The following CSMD1 variants were observed in gnomAD, a reference collection of about 807,000 sequenced individuals.
The protein encoded by CSMD1 is CUB and sushi domain-containing protein 1.
In CSMD1, 213 loss-of-function variants were observed where a neutral mutation model predicts 417.5. That is an observed-to-expected ratio of 0.51 (90% CI 0.46 to 0.57). The LOEUF (loss-of-function observed/expected upper bound fraction) is 0.57, where lower values mean the gene tolerates loss of function less well. Ranked by LOEUF, CSMD1 falls within the 20% of genes least tolerant of loss-of-function variation. The probability of loss-of-function intolerance (pLI) is 0.00; values close to 1 mark genes in which losing one functional copy is unlikely to be tolerated. For synonymous variants in CSMD1, 2,862 were observed against 1,736.8 expected, an observed-to-expected ratio of 1.65 and a Z score of -16.11; for missense variants, 6,923 against 4,529.7, an observed-to-expected ratio of 1.53 and a Z score of -15.17.
At chr8:4,956,199 G>C (rs547027473) in intron 1 of CSMD1, among the ~76,000 whole-genome samples, 2 of 151,050 alleles carry the variant, frequency 1.3e-5, no homozygotes, top group Non-Finnish European at 3.0e-5. Context: ...CTGGAGATTT[G>C]TTTTCTTTTT....
At chr8:4,317,604 G>GGA (rs760517457) in intron 3 of CSMD1, among the ~76,000 whole-genome samples, 31 of 151,890 alleles carry the variant, frequency 2.0e-4, no homozygotes, top group African/African-American at 7.5e-4. Context: ...AGGAGAGAGG[G>GGA]GAGAGAGAGA....
chr8:2,946,530 C>A (rs1307465592), intron 68 of CSMD1, among the ~76,000 whole-genome samples: 18 of 152,152 alleles, frequency 1.2e-4, no homozygotes, highest in Non-Finnish European at 1.6e-4. Context: ...CTTGGCATGA[C>A]GTTTTCAAGG....
At chr8:4,219,610 A>G (rs937663909) in intron 3 of CSMD1, among the ~76,000 whole-genome samples, 2 of 152,206 alleles carry the variant, frequency 1.3e-5, no homozygotes, top group African/African-American at 2.4e-5. Context: ...CTCCAACCCA[A>G]AAAACACTAT....
chr8:3,786,371 G>A (rs995265078), intron 5 of CSMD1, among the ~76,000 whole-genome samples: 1 of 152,084 alleles, frequency 6.6e-6, no homozygotes, highest in African/African-American at 2.4e-5. Flanking sequence ...CCTCATTTAG[G>A]GAGATACTAG....
rs1006764175 is a variant in CSMD1 at position 4,229,701 on chromosome 8, C to T, written c.415+190252G>A. 3.3e-5 allele frequency among the ~76,000 whole-genome samples: 5 copies of T among 152,254 alleles called. No individual in the cohort carries two copies. In the South Asian group the frequency reaches 8.3e-4, roughly 25 times the overall value. ...CTCACCATCTGATGTACAGCCTCAG[C>T]CCCTTCCTCTTGCTTGACCCACCCC... On this transcript the variant is annotated intron_variant, in intron 3 of 69. Coordinates refer to ENST00000635120, the MANE Select transcript of CSMD1 (RefSeq NM_033225.6).
chr8:3,822,816 A>AT (rs1017716709), intron 5 of CSMD1, among the ~76,000 whole-genome samples: 93 of 148,790 alleles, frequency 6.3e-4, no homozygotes, highest in African/African-American at 1.8e-3. Context: ...CTTTGGGCTT[A>AT]TTTTTTTTTT....
At chr8:4,892,730 GCTTT>G (rs2117007447) in intron 1 of CSMD1, among the ~76,000 whole-genome samples, 1 of 152,008 alleles carries the variant, frequency 6.6e-6, no homozygotes, top group Admixed American at 6.5e-5. Flanking sequence ...TAACACTTTT[GCTTT>G]CTGATTTGCA....
At chr8:4,319,865 C>G (rs369616805) in intron 3 of CSMD1, among the ~76,000 whole-genome samples, 1 of 152,116 alleles carries the variant, frequency 6.6e-6, no homozygotes, top group African/African-American at 2.4e-5. Flanking sequence ...ATGCAGGTAA[C>G]AGAGGTACCC....
chr8:4,139,498 G>C (rs748507995), intron 3 of CSMD1, among the ~76,000 whole-genome samples: 1 of 145,124 alleles, frequency 6.9e-6, no homozygotes, highest in Non-Finnish European at 1.5e-5. Flanking sequence ...TGGATGAATG[G>C]TCTGCATTCA....
At chr8:4,731,310 C>T (rs1371518677) in intron 1 of CSMD1, among the ~76,000 whole-genome samples, 1 of 152,160 alleles carries the variant, frequency 6.6e-6, no homozygotes, top group Admixed American at 6.5e-5. Flanking sequence ...TCTTTGGAAT[C>T]AGCAGTTTTT....
chr8:4,588,561 G>C (rs573056830), intron 2 of CSMD1, among the ~76,000 whole-genome samples: 1 of 151,842 alleles, frequency 6.6e-6, no homozygotes, highest in Admixed American at 6.6e-5. Context: ...TTCGGAGGCC[G>C]AGTCTGGCGG....
intron 1 of CSMD1, among the ~76,000 whole-genome samples, chr8:4,993,288 C>T (rs1811572870): frequency 6.7e-6 from 1 of 149,540 alleles, no homozygotes; most frequent in African/African-American, 2.4e-5. Context: ...CCGGGAACAT[C>T]TATGGAAGTG....
intron 4 of CSMD1, among the ~76,000 whole-genome samples, chr8:4,023,115 CA>C (rs1263974452): frequency 6.6e-6 from 1 of 152,088 alleles, no homozygotes; most frequent in Non-Finnish European, 1.5e-5. Flanking sequence ...AGTGGATGTA[CA>C]GGAGATGCAC....
intron 7 of CSMD1, among the ~76,000 whole-genome samples, chr8:3,702,847 AC>A (rs1800946253): frequency 6.6e-6 from 1 of 152,156 alleles, no homozygotes; most frequent in Admixed American, 6.5e-5. Flanking sequence ...ACAAATATAT[AC>A]AGTGTCAGTT....
chr8:4,301,660 C>G (rs1017900999), intron 3 of CSMD1, among the ~76,000 whole-genome samples: 5 of 152,178 alleles, frequency 3.3e-5, no homozygotes, highest in African/African-American at 4.8e-5. Flanking sequence ...AACTTTCAGG[C>G]CTCTTCAATT....
At chr8:4,013,467 G>T (rs1428315130) in intron 4 of CSMD1, among the ~76,000 whole-genome samples, 1 of 152,138 alleles carries the variant, frequency 6.6e-6, no homozygotes, top group African/African-American at 2.4e-5. Context: ...CCAGGACATG[G>T]GATCTTAGGT....
intron 3 of CSMD1, among the ~76,000 whole-genome samples, chr8:4,156,620 C>T (rs1247049424): frequency 6.6e-6 from 1 of 151,958 alleles, no homozygotes; most frequent in Non-Finnish European, 1.5e-5. Flanking sequence ...CAATGGGAAA[C>T]AGTAGTTTTT....
At chr8:4,349,890 G>A (rs1800989628) in intron 3 of CSMD1, among the ~76,000 whole-genome samples, 2 of 150,268 alleles carry the variant, frequency 1.3e-5, no homozygotes, top group Non-Finnish European at 2.9e-5. Flanking sequence ...AAGACAGGGA[G>A]CCAAAATATA....
At chr8:4,809,470 A>G (rs1335775786) in intron 1 of CSMD1, among the ~76,000 whole-genome samples, 2 of 152,170 alleles carry the variant, frequency 1.3e-5, no homozygotes, top group East Asian at 3.9e-4. Flanking sequence ...AACTAACAAG[A>G]GACTTCCAGG....
Sources: gnomAD v4.1 joint callset for allele counts (sites outside exome capture counted in the v4.1 genomes callset) on GRCh38, gnomAD v4.1.1 for gene constraint, MANE v1.5 for transcripts, NCBI Gene and HGNC (gene_info 2026-07-23, HGNC 2026-07-21) for gene names.